Variants in ATE1 observed in about 807,000 individuals in gnomAD.
ATE1 encodes arginyltransferase 1, also known as arginyl-tRNA--protein transferase 1.
In ATE1, 36 loss-of-function variants were observed where a neutral mutation model predicts 70.5. The ratio of observed to expected loss-of-function variants is 0.51; its 90% CI spans 0.39 to 0.67. The LOEUF (loss-of-function observed/expected upper bound fraction) is 0.67. ATE1 is among the 30% of genes least tolerant of loss of function. ATE1 has a pLI of 0.00. For synonymous variants in ATE1, 232 were observed against 219.3 expected, an observed-to-expected ratio of 1.06 and a Z score of -0.51; for missense variants, 593 against 629.5, an observed-to-expected ratio of 0.94 and a Z score of 0.62.
At chr10:121,887,757 T>C (rs1281327111) in intron 7 of ATE1, among the ~76,000 whole-genome samples, 3 of 152,048 alleles carry the variant, frequency 2.0e-5, no homozygotes, top group Admixed American at 6.6e-5. Context: ...CAATGGATTA[T>C]AGCACTTCAT....
intron 10 of ATE1, among the ~76,000 whole-genome samples, chr10:121,824,811 T>C (rs905827172): frequency 5.9e-5 from 9 of 152,196 alleles, no homozygotes; most frequent in African/African-American, 2.2e-4. Flanking sequence ...AATTTAATTA[T>C]GCCTAACAAC....
upstream of ATE1, chr10:121,928,295 G>A (rs1952189543): frequency 2.7e-6 from 4 of 1,499,628 alleles, no homozygotes; most frequent in Admixed American, 6.6e-5. Context: ...CCCCGCCGAG[G>A]GCCTGTGCGG....
At chr10:121,862,014 C>T (rs1248990574) in intron 8 of ATE1, among the ~76,000 whole-genome samples, 1 of 152,140 alleles carries the variant, frequency 6.6e-6, no homozygotes, top group African/African-American at 2.4e-5. Flanking sequence ...CGGGGCCTGG[C>T]TCTTTAAACA....
At chr10:121,847,955 C>T (rs1948900028) in intron 8 of ATE1, among the ~76,000 whole-genome samples, 1 of 151,812 alleles carries the variant, frequency 6.6e-6, no homozygotes, top group Non-Finnish European at 1.5e-5. Context: ...CCTGTAATCC[C>T]AGCTACTCGG....
At chr10:121,744,761 C>T (rs1944281416) in intron 11 of ATE1, among the ~76,000 whole-genome samples, 1 of 152,202 alleles carries the variant, frequency 6.6e-6, no homozygotes, top group African/African-American at 2.4e-5. Flanking sequence ...TCAGGGTACA[C>T]AGGTCACCCA....
chr10:121,926,906 ACCGCTG>A, intron 1 of ATE1: 1 of 985,430 alleles, frequency 1.0e-6, no homozygotes, highest in Non-Finnish European at 1.2e-6. Flanking sequence ...TCTACTCAAA[ACCGCTG>A]CCCACAAGTA....
At chr10:121,760,802 G>T (rs1363927845) in intron 11 of ATE1, among the ~76,000 whole-genome samples, 3 of 152,202 alleles carry the variant, frequency 2.0e-5, no homozygotes, top group Non-Finnish European at 1.5e-5. Context: ...ATGCTACAGA[G>T]AACTCTTTTG....
At position 121,742,824 on chromosome 10, in the gene ATE1, C is replaced by A. The variant is rs1009170048; in HGVS notation, c.*856G>T. 1.3e-5 allele frequency: 2 copies of A among 152,162 alleles called. No homozygotes were observed. The highest frequency in any genetic ancestry group is 4.8e-5 in the African/African-American group (2 of 41,454). The allele number at this position is 152,162 out of a possible 1,614,324, so 9.4% of individuals were successfully genotyped here. Reference sequence around the variant, plus strand: ...ACTAATTTCCATTAATAACCAAAGACAAATGTCCTGAGTTGTAAGATAAAA... The same window carrying A: ...ACTAATTTCCATTAATAACCAAAGAAAAATGTCCTGAGTTGTAAGATAAAA... On this transcript the variant is annotated 3_prime_UTR_variant, in exon 12 of 12. Transcript: ENST00000224652.
chr10:121,758,902 T>A (rs907707806), intron 11 of ATE1, among the ~76,000 whole-genome samples: 6 of 152,204 alleles, frequency 3.9e-5, no homozygotes, highest in African/African-American at 1.2e-4. Context: ...TGATAAATGC[T>A]GTGTGTATTC....
chr10:121,881,726 A>C (rs1950231446), intron 7 of ATE1, among the ~76,000 whole-genome samples: 1 of 150,932 alleles, frequency 6.6e-6, no homozygotes, highest in African/African-American at 2.4e-5. Context: ...CCCAAATGAT[A>C]TCTTTTACAG....
intron 10 of ATE1, among the ~76,000 whole-genome samples, chr10:121,823,472 T>G (rs1947882912): frequency 6.6e-6 from 1 of 152,072 alleles, no homozygotes; most frequent in Non-Finnish European, 1.5e-5. Context: ...CAGTTCGTAC[T>G]TCTACACGCA....
At position 121,924,245 on chromosome 10, in the gene ATE1, C is replaced by T. The variant is rs372286288; in HGVS notation, c.170+21G>A. ...GAACCTGAGTAACAGTAGGAAGTCT[C>T]TTTGTATCTGGAAGCTTTACCTTCG... On this transcript the variant is annotated intron_variant, in intron 2 of 11. Coordinates refer to ENST00000224652, the MANE Select transcript of ATE1 (RefSeq NM_001001976.3). 12 of 1,609,426 alleles carry T rather than the reference C, an allele frequency of 7.5e-6. No homozygotes were observed. The African/African-American group carries it at 1.5e-4, about 20-fold the overall frequency.
At chr10:121,829,998 TCTAGTTCTAGAC>T (rs1244221857) in intron 10 of ATE1, among the ~76,000 whole-genome samples, 8 of 152,370 alleles carry the variant, frequency 5.3e-5, no homozygotes, top group Admixed American at 5.2e-4. Context: ...CTTGCTGGTC[TCTAGTTCTAGAC>T]CTTCAATTTG....
chr10:121,830,704 T>C (rs1564876315), intron 10 of ATE1, among the ~76,000 whole-genome samples: 1 of 152,116 alleles, frequency 6.6e-6, no homozygotes, highest in Non-Finnish European at 1.5e-5. Flanking sequence ...TTAAAATCAA[T>C]ATGTTGTTGA....
intron 11 of ATE1, among the ~76,000 whole-genome samples, chr10:121,748,319 G>A (rs944279679): frequency 1.3e-5 from 2 of 151,992 alleles, no homozygotes; most frequent in South Asian, 4.1e-4. Flanking sequence ...AAAAATACAA[G>A]ATTATGAAAA....
At chr10:121,878,457 G>A (rs1425434959) in intron 7 of ATE1, among the ~76,000 whole-genome samples, 1 of 151,880 alleles carries the variant, frequency 6.6e-6, no homozygotes, top group Non-Finnish European at 1.5e-5. Flanking sequence ...GCCGGCCATG[G>A]TGGTGCACAC....
chr10:121,790,105 C>T, intron 11 of ATE1, 64 bp downstream of exon 11: 1 of 1,602,120 alleles, frequency 6.2e-7, no homozygotes, highest in Admixed American at 1.7e-5. Context: ...GAGCCACAGC[C>T]ACACACACAT....
intron 7 of ATE1, among the ~76,000 whole-genome samples, chr10:121,891,529 T>C (rs1387432821): frequency 6.6e-6 from 1 of 152,126 alleles, no homozygotes; most frequent in Admixed American, 6.5e-5. Context: ...AGAGAAGAAA[T>C]GGTTTAGAGC....
At chr10:121,807,905 T>C (rs1947160795) in intron 10 of ATE1, among the ~76,000 whole-genome samples, 1 of 152,214 alleles carries the variant, frequency 6.6e-6, no homozygotes, top group Non-Finnish European at 1.5e-5. Flanking sequence ...AACACAGCTA[T>C]GCCCATTTGT....
Sources: gnomAD v4.1 joint callset for allele counts (sites outside exome capture counted in the v4.1 genomes callset) on GRCh38, gnomAD v4.1.1 for gene constraint, MANE v1.5 for transcripts, NCBI Gene and HGNC (gene_info 2026-07-23, HGNC 2026-07-21) for gene names.